The following NBAS variants were observed in gnomAD, a reference collection of about 807,000 sequenced individuals.
The protein encoded by NBAS is NAG/BC035112 fusion.
A neutral mutation model predicts 302.5 loss-of-function variants in NBAS; 219 were observed. The observed-to-expected ratio is 0.72, with a 90% CI of 0.65 to 0.81. NBAS has a LOEUF of 0.81. NBAS is among the 30% of genes least tolerant of loss of function. The pLI is 0.00. For missense variants in NBAS, 2,932 were observed against 2,841.6 expected (o/e 1.03, Z -0.72); for synonymous variants, 1,118 against 1,021.6 (o/e 1.09, Z -1.80).
chr2:14,804,247 T>G, the NBAS span, among the ~76,000 whole-genome samples: 1 of 152,202 alleles, frequency 6.6e-6, no homozygotes, highest in African/African-American at 2.4e-5. Context: ...ACAAATGTTC[T>G]TCTCAGAATC....
At chr2:15,386,987 T>C (rs1675331071) in intron 28 of NBAS, among the ~76,000 whole-genome samples, 1 of 152,116 alleles carries the variant, frequency 6.6e-6, no homozygotes, top group South Asian at 2.1e-4. Flanking sequence ...ACATCAAGCA[T>C]AATACTGACA....
the NBAS span, among the ~76,000 whole-genome samples, chr2:14,949,987 G>A: frequency 5.3e-5 from 8 of 152,148 alleles, no homozygotes; most frequent in South Asian, 4.2e-4. Context: ...ATAGATCAAT[G>A]GAGTAACTAT....
chr2:14,999,176 G>A, the NBAS span, among the ~76,000 whole-genome samples: 6 of 151,828 alleles, frequency 4.0e-5, no homozygotes, highest in African/African-American at 1.5e-4. Context: ...TTCTCAGAGG[G>A]CTCCACTCCA....
At chr2:14,982,068 C>G in the NBAS span, among the ~76,000 whole-genome samples, 45 of 152,312 alleles carry the variant, frequency 3.0e-4, 1 homozygote, top group Middle Eastern at 6.8e-3. Context: ...CAGATTTCCT[C>G]AGGGCATTTT....
chr2:14,950,841 T>C, the NBAS span, among the ~76,000 whole-genome samples: 1 of 152,246 alleles, frequency 6.6e-6, no homozygotes, highest in Non-Finnish European at 1.5e-5. Flanking sequence ...CAAACATATT[T>C]CTGAAATACA....
chr2:15,374,545 A>C (rs1674639602), intron 31 of NBAS, 63 bp downstream of exon 31: 5 of 1,387,474 alleles, frequency 3.6e-6, no homozygotes, highest in Middle Eastern at 1.8e-4. Context: ...AAACTAAAAA[A>C]GAATACTAGT....
the NBAS span, among the ~76,000 whole-genome samples, chr2:15,109,247 T>C: frequency 6.6e-6 from 1 of 152,148 alleles, no homozygotes; most frequent in East Asian, 1.9e-4. Flanking sequence ...ATTACAGTTC[T>C]TAGGCAAGTA....
the NBAS span, among the ~76,000 whole-genome samples, chr2:14,790,587 T>C: frequency 3.4e-4 from 52 of 152,118 alleles, no homozygotes; most frequent in Non-Finnish European, 5.9e-4. Flanking sequence ...AATAGGATGC[T>C]GTATCCAAGC....
the NBAS span, among the ~76,000 whole-genome samples, chr2:15,103,460 A>G: frequency 1.3e-5 from 2 of 152,254 alleles, no homozygotes; most frequent in African/African-American, 2.4e-5. Context: ...AAAAGTATGC[A>G]TTGACTCACT....
intron 21 of NBAS, among the ~76,000 whole-genome samples, chr2:15,449,548 A>G (rs1347720543): frequency 2.0e-5 from 3 of 152,172 alleles, no homozygotes; most frequent in Non-Finnish European, 4.4e-5. Context: ...CTCTGAAATA[A>G]TACTGACTTA....
At chr2:15,503,040 G>A (rs1661654802) in intron 11 of NBAS, among the ~76,000 whole-genome samples, 1 of 151,930 alleles carries the variant, frequency 6.6e-6, no homozygotes, top group South Asian at 2.1e-4. Flanking sequence ...TAAAAACTAA[G>A]ACACAAATAC....
At chr2:15,341,318 G>A (rs1303238916) in intron 35 of NBAS, among the ~76,000 whole-genome samples, 4 of 151,980 alleles carry the variant, frequency 2.6e-5, no homozygotes, top group African/African-American at 7.3e-5. Context: ...CCCAGGAGGC[G>A]GAGGTTGCAG....
In NBAS at chr2:15,200,414, A is replaced by AT. The variant is rs57658588; in HGVS notation, c.6433-10012dup. 7.0e-3 allele frequency among the ~76,000 whole-genome samples: 1,054 copies of AT among 151,164 alleles called. 20 individuals carry two copies. Among genetic ancestry groups the AT allele is most frequent in the Middle Eastern group, 0.014 (4 of 294 alleles). Reference sequence around the variant, plus strand: ...TTAGTGAAAATAAACAAAATAAACTATTTTTTTTTACTACATTTTCTTTTA... The same window carrying AT: ...TTAGTGAAAATAAACAAAATAAACTATTTTTTTTTTACTACATTTTCTTTTA... On this transcript the variant is annotated intron_variant, in intron 48 of 51. Transcript: ENST00000281513.
At chr2:15,177,405 C>T (rs1379247247) in intron 51 of NBAS, among the ~76,000 whole-genome samples, 3 of 152,128 alleles carry the variant, frequency 2.0e-5, no homozygotes, top group African/African-American at 7.2e-5. Context: ...GATTAGTCAG[C>T]AGTTAGGGAC....
chr2:15,265,364 T>C (rs1420305041), intron 44 of NBAS, among the ~76,000 whole-genome samples: 2 of 152,186 alleles, frequency 1.3e-5, no homozygotes, highest in Non-Finnish European at 2.9e-5. Context: ...AGACCAGAGA[T>C]GATAATACTT....
intron 21 of NBAS, among the ~76,000 whole-genome samples, chr2:15,435,433 T>A (rs529298075): frequency 6.6e-6 from 1 of 152,310 alleles, no homozygotes; most frequent in South Asian, 2.1e-4. Flanking sequence ...TACTTAACTA[T>A]CTGCAAGCAC....
intron 40 of NBAS, among the ~76,000 whole-genome samples, chr2:15,302,928 T>C (rs1319622404): frequency 4.6e-5 from 7 of 152,196 alleles, no homozygotes; most frequent in Non-Finnish European, 8.8e-5. Context: ...CCCTTGAACA[T>C]CAGACTCCAA....
intron 25 of NBAS, among the ~76,000 whole-genome samples, chr2:15,406,529 A>G: frequency 6.6e-6 from 1 of 152,224 alleles, no homozygotes; most frequent in East Asian, 1.9e-4. Context: ...TACTCAAAAT[A>G]CAGAGGCAGT....
the NBAS span, among the ~76,000 whole-genome samples, chr2:14,779,642 T>C: frequency 6.6e-6 from 1 of 152,156 alleles, no homozygotes; most frequent in Non-Finnish European, 1.5e-5. Context: ...CAGCGCTTCC[T>C]GGCTCCTCTA....
Sources: allele counts gnomAD v4.1 joint callset (sites outside exome capture counted in the v4.1 genomes callset), GRCh38; gene constraint gnomAD v4.1.1; transcripts MANE v1.5; gene names NCBI Gene and HGNC (gene_info 2026-07-23, HGNC 2026-07-21).